The following ATOSA variants were observed in gnomAD, a reference collection of about 807,000 sequenced individuals.
The protein encoded by ATOSA is atos homolog protein A.
chr15:52,607,040 G>A, the ATOSA span, among the ~76,000 whole-genome samples: 5 of 152,014 alleles, frequency 3.3e-5, no homozygotes, highest in Admixed American at 3.3e-4. Context: ...AGTACATTAA[G>A]GTCTACAAAA....
At chr15:52,613,550 C>A in the ATOSA span, 1 of 1,213,122 alleles carries the variant, frequency 8.2e-7, no homozygotes, top group Non-Finnish European at 1.1e-6. Flanking sequence ...GATTTTTTCC[C>A]TTTATGATTA....
chr15:52,603,589 T>C, the ATOSA span, among the ~76,000 whole-genome samples: 3 of 50,394 alleles, frequency 6.0e-5, no homozygotes, highest in Non-Finnish European at 1.2e-4. Flanking sequence ...AACCTAAGTG[T>C]CCATCAATAG....
the ATOSA span, among the ~76,000 whole-genome samples, chr15:52,595,490 G>T: frequency 6.6e-6 from 1 of 150,498 alleles, no homozygotes; most frequent in African/African-American, 2.4e-5. Flanking sequence ...TTAGATTTTT[G>T]TAAATTTAAT....
the ATOSA span, among the ~76,000 whole-genome samples, chr15:52,661,527 T>C: frequency 2.0e-5 from 3 of 152,234 alleles, no homozygotes; most frequent in African/African-American, 7.2e-5. Flanking sequence ...TAAAGATCTT[T>C]CCAACTGTGG....
At chr15:52,660,820 T>A in the ATOSA span, among the ~76,000 whole-genome samples, 1 of 152,082 alleles carries the variant, frequency 6.6e-6, no homozygotes, top group Non-Finnish European at 1.5e-5. Flanking sequence ...CCCAGCTAAT[T>A]TTTTTATATT....
the ATOSA span, chr15:52,656,437 C>G: frequency 1.1e-4 from 16 of 152,092 alleles, no homozygotes; most frequent in Admixed American, 3.3e-4. Context: ...AACCAAATGG[C>G]CAAACAGCAA....
chr15:52,648,064 T>C, the ATOSA span, among the ~76,000 whole-genome samples: 1 of 152,160 alleles, frequency 6.6e-6, no homozygotes, highest in African/African-American at 2.4e-5. Context: ...CTCAAAATAC[T>C]GAGAAAACTC....
chr15:52,678,437 T>A, the ATOSA span: 2 of 182,024 alleles, frequency 1.1e-5, no homozygotes, highest in Non-Finnish European at 1.2e-5. Context: ...AACCCCTTCG[T>A]ACAAAAACGC....
chr15:52,646,328 T>C, the ATOSA span, among the ~76,000 whole-genome samples: 2 of 152,320 alleles, frequency 1.3e-5, no homozygotes, highest in African/African-American at 2.4e-5. Flanking sequence ...GTGACATTCA[T>C]AGCAGTGGAC....
chr15:52,664,195 C>T, the ATOSA span, among the ~76,000 whole-genome samples: 1 of 152,174 alleles, frequency 6.6e-6, no homozygotes, highest in African/African-American at 2.4e-5. Flanking sequence ...ACTGTCATGA[C>T]AGCAAATTCT....
At chr15:52,680,943 A>G in the ATOSA span, among the ~76,000 whole-genome samples, 2 of 152,242 alleles carry the variant, frequency 1.3e-5, no homozygotes, top group Admixed American at 6.5e-5. Flanking sequence ...TTAGCACAAC[A>G]GCTGGGACCA....
the ATOSA span, chr15:52,613,904 G>C: frequency 2.7e-6 from 4 of 1,500,750 alleles, no homozygotes; most frequent in Non-Finnish European, 3.7e-6. Flanking sequence ...TGTACTCTTA[G>C]TAAGAACTCA....
At chr15:52,587,024 C>T in the ATOSA span, 1 of 1,548,592 alleles carries the variant, frequency 6.5e-7, no homozygotes, top group Admixed American at 2.2e-5. Flanking sequence ...CAGGGGAACT[C>T]CAAACAAAGC....
At chr15:52,625,565 G>A in the ATOSA span, among the ~76,000 whole-genome samples, 3 of 152,082 alleles carry the variant, frequency 2.0e-5, no homozygotes, top group African/African-American at 7.2e-5. Flanking sequence ...ATCACAGACT[G>A]ACTTTTAAAA....
At chr15:52,688,986 A>C in the ATOSA span, among the ~76,000 whole-genome samples, 2 of 152,240 alleles carry the variant, frequency 1.3e-5, no homozygotes, top group Non-Finnish European at 2.9e-5. Flanking sequence ...GGAAATTCAC[A>C]GTGCCATTGC....
At chr15:52,672,909 T>C in the ATOSA span, among the ~76,000 whole-genome samples, 9 of 152,208 alleles carry the variant, frequency 5.9e-5, no homozygotes, top group East Asian at 1.9e-4. Context: ...ATCTCAGAAG[T>C]TGTATCAAGC....
chr15:52,609,806 G>A, the ATOSA span: 76 of 1,612,946 alleles, frequency 4.7e-5, no homozygotes, highest in Non-Finnish European at 6.2e-5. Context: ...ATTTCTTGCC[G>A]CTCCTGAATT....
chr15:52,653,827 CTTAA>C, the ATOSA span, among the ~76,000 whole-genome samples: 5 of 152,260 alleles, frequency 3.3e-5, no homozygotes, highest in East Asian at 1.9e-4. Flanking sequence ...ACTATGTCTA[CTTAA>C]TTGTTTACCT....
chr15:52,682,135 A>G, the ATOSA span, among the ~76,000 whole-genome samples: 2 of 152,152 alleles, frequency 1.3e-5, no homozygotes, highest in African/African-American at 4.8e-5. Context: ...CCCTAGTGGG[A>G]TAAAGGTAGA....
Sources: allele counts gnomAD v4.1 joint callset (sites outside exome capture counted in the v4.1 genomes callset), GRCh38; gene constraint gnomAD v4.1.1; transcripts MANE v1.5; gene names NCBI Gene and HGNC (gene_info 2026-07-23, HGNC 2026-07-21).